The following GPHN variants were observed in gnomAD, a reference collection of about 807,000 sequenced individuals.
GPHN encodes the protein gephyrin.
GPHN carries 17 observed loss-of-function variants against 95.5 expected under a neutral mutation model. The ratio of observed to expected loss-of-function variants is 0.18; its 90% CI spans 0.12 to 0.27. The LOEUF is 0.27. Ranked by LOEUF, GPHN falls within the 10% of genes least tolerant of loss-of-function variation. The probability of loss-of-function intolerance (pLI) is 1.00; values close to 1 mark genes in which losing one functional copy is unlikely to be tolerated. For synonymous variants in GPHN, 320 were observed against 322.5 expected (o/e 0.99, Z 0.08); for missense variants, 660 against 978.1 (o/e 0.67, Z 4.34).
intron 6 of GPHN, among the ~76,000 whole-genome samples, chr14:66,922,271 G>GTTT (rs143579871): frequency 7.1e-6 from 1 of 141,718 alleles, no homozygotes; most frequent in Non-Finnish European, 1.6e-5. Flanking sequence ...CAGAGTGTAT[G>GTTT]TTTTTTTTTT....
intron 4 of GPHN, among the ~76,000 whole-genome samples, chr14:66,859,293 C>G (rs1320438913): frequency 1.3e-5 from 2 of 152,198 alleles, no homozygotes; most frequent in Non-Finnish European, 2.9e-5. Context: ...CCATCCCCAG[C>G]TCCGGAAGCA....
At chr14:67,562,659 G>A in the GPHN span, 2 of 1,612,694 alleles carry the variant, frequency 1.2e-6, no homozygotes, top group Non-Finnish European at 1.7e-6. Context: ...GGGCACTTTG[G>A]CCGTGTGGTG....
the GPHN span, among the ~76,000 whole-genome samples, chr14:67,213,739 C>T: frequency 6.6e-6 from 1 of 152,192 alleles, no homozygotes. Flanking sequence ...GGAATCGCCA[C>T]ACTGACTTCC....
At chr14:67,284,340 G>A in the GPHN span, among the ~76,000 whole-genome samples, 2 of 150,316 alleles carry the variant, frequency 1.3e-5, no homozygotes, top group East Asian at 2.0e-4. Flanking sequence ...GTTCACGCCC[G>A]TATTAGTAGC....
chr14:66,822,436 C>T (rs186169781), intron 3 of GPHN, among the ~76,000 whole-genome samples: 264 of 152,250 alleles, frequency 1.7e-3, no homozygotes, highest in Non-Finnish European at 2.5e-3. Context: ...AGGTGAGACC[C>T]AAGTATTTTT....
chr14:66,935,799 G>T (rs933566190), intron 8 of GPHN, among the ~76,000 whole-genome samples: 1 of 151,766 alleles, frequency 6.6e-6, no homozygotes, highest in Non-Finnish European at 1.5e-5. Context: ...TATCCATGAG[G>T]ATTTTGAGAT....
the GPHN span, among the ~76,000 whole-genome samples, chr14:67,646,265 G>T: frequency 6.6e-6 from 1 of 152,202 alleles, no homozygotes; most frequent in South Asian, 2.1e-4. Context: ...CGGAAGTCCT[G>T]TGTCGGCTGT....
chr14:66,829,503 C>T (rs1448868253), intron 4 of GPHN, among the ~76,000 whole-genome samples: 1 of 151,964 alleles, frequency 6.6e-6, no homozygotes, highest in Non-Finnish European at 1.5e-5. Flanking sequence ...AAGTATTTTC[C>T]CTTTATGTCC....
chr14:67,227,194 C>A, the GPHN span, among the ~76,000 whole-genome samples: 23,719 of 151,924 alleles, frequency 0.16, 3,495 homozygotes, highest in East Asian at 0.42. Context: ...GTAATCCCAG[C>A]ACTTTGGGAG....
intron 1 of GPHN, among the ~76,000 whole-genome samples, chr14:66,532,748 G>A (rs1245817468): frequency 2.0e-5 from 3 of 152,114 alleles, no homozygotes; most frequent in African/African-American, 7.2e-5. Flanking sequence ...GATTCCCGAG[G>A]ACTGTTTCTC....
At chr14:67,417,240 A>G in the GPHN span, among the ~76,000 whole-genome samples, 1 of 152,158 alleles carries the variant, frequency 6.6e-6, no homozygotes, top group African/African-American at 2.4e-5. Flanking sequence ...CAAGTTCCTC[A>G]TCTCTAATAT....
chr14:66,780,433 C>A (rs1264126818), intron 3 of GPHN, among the ~76,000 whole-genome samples: 14 of 151,832 alleles, frequency 9.2e-5, no homozygotes, highest in Non-Finnish European at 1.9e-4. Context: ...ACCCTAAAGG[C>A]AGAGTATTAA....
At chr14:66,965,086 T>C in intron 8 of GPHN, 105 bp from the exon 9 acceptor site, 1 of 904,178 alleles carries the variant, frequency 1.1e-6, no homozygotes, top group Non-Finnish European at 1.9e-6. Context: ...TGACACCAAA[T>C]ATGTCAGAGC....
the GPHN span, among the ~76,000 whole-genome samples, chr14:67,383,110 A>C: frequency 3.9e-5 from 6 of 152,304 alleles, no homozygotes; most frequent in Admixed American, 6.5e-5. Context: ...TAATACATAC[A>C]TCCTTTTTCT....
the GPHN span, among the ~76,000 whole-genome samples, chr14:67,680,957 A>C: frequency 6.6e-6 from 1 of 152,216 alleles, no homozygotes; most frequent in Admixed American, 6.5e-5. Context: ...GTGAAACATA[A>C]ACCCTTATAT....
At chr14:67,394,492 C>T in the GPHN span, among the ~76,000 whole-genome samples, 1 of 152,198 alleles carries the variant, frequency 6.6e-6, no homozygotes, top group Non-Finnish European at 1.5e-5. Flanking sequence ...AGCTACTTTT[C>T]CAACTATCTT....
the GPHN span, among the ~76,000 whole-genome samples, chr14:67,342,012 T>G: frequency 6.6e-6 from 1 of 151,376 alleles, no homozygotes; most frequent in African/African-American, 2.4e-5. Context: ...TCATCACCAC[T>G]CCCTAATCTC....
intron 1 of GPHN, among the ~76,000 whole-genome samples, chr14:66,550,559 G>A (rs1039322197): frequency 1.3e-5 from 2 of 152,362 alleles, no homozygotes; most frequent in East Asian, 1.9e-4. Flanking sequence ...AGCAGTAGCA[G>A]GGTTTGAGAG....
At chr14:66,746,255 A>G (rs1408410411) in intron 2 of GPHN, among the ~76,000 whole-genome samples, 1 of 152,160 alleles carries the variant, frequency 6.6e-6, no homozygotes, top group Admixed American at 6.6e-5. Context: ...AACCCGCCAA[A>G]CTGTTTTCCA....
Sources: gnomAD v4.1 joint callset for allele counts (sites outside exome capture counted in the v4.1 genomes callset) on GRCh38, gnomAD v4.1.1 for gene constraint, MANE v1.5 for transcripts, NCBI Gene and HGNC (gene_info 2026-07-23, HGNC 2026-07-21) for gene names.